DENND1A: variants seen among roughly 807,000 people sequenced by gnomAD.
DENND1A encodes the protein DENN domain containing 1A.
In DENND1A, 51 loss-of-function variants were observed where a neutral mutation model predicts 113.7. The ratio of observed to expected loss-of-function variants is 0.45; its 90% CI spans 0.36 to 0.57. The LOEUF (loss-of-function observed/expected upper bound fraction) is 0.57, where lower values mean the gene tolerates loss of function less well. DENND1A is among the 20% of genes least tolerant of loss of function. The probability of loss-of-function intolerance (pLI) is 0.00; values close to 1 mark genes in which losing one functional copy is unlikely to be tolerated. For missense variants in DENND1A, 1,258 were observed against 1,395.9 expected (o/e 0.90, Z 1.57); for synonymous variants, 565 against 570.8 (o/e 0.99, Z 0.14).
In DENND1A at chr9:123,530,997, T is replaced by C. The variant is rs557828175; in HGVS notation, c.993+26573A>G. Among the ~76,000 whole-genome samples the C allele has an allele frequency of 2.8e-3, 427 of 152,340 alleles. 3 individuals are homozygous for C. The highest frequency in any genetic ancestry group is 5.1e-3 in the Non-Finnish European group (349 of 68,022). On this transcript the variant is annotated intron_variant, in intron 13 of 23. Transcript: ENST00000394215. ...TAACTGAAGTCATGGAAAGTGAAAC[T>C]GCAGATAAGTGGAGACTACTGTATA...
intron 5 of DENND1A, among the ~76,000 whole-genome samples, chr9:123,713,779 ATAT>A (rs764803827): frequency 4.6e-5 from 7 of 152,220 alleles, no homozygotes; most frequent in Non-Finnish European, 8.8e-5. Flanking sequence ...GACAATAAGA[ATAT>A]TATTACTAAT....
intron 8 of DENND1A, among the ~76,000 whole-genome samples, chr9:123,665,669 T>C (rs1379646861): frequency 6.6e-6 from 1 of 152,240 alleles, no homozygotes; most frequent in African/African-American, 2.4e-5. Context: ...CATATTCCAG[T>C]ACTTTTCTTA....
At chr9:123,454,163 TC>T (rs1164249310) in intron 16 of DENND1A, among the ~76,000 whole-genome samples, 2 of 152,182 alleles carry the variant, frequency 1.3e-5, no homozygotes, top group African/African-American at 4.8e-5. Context: ...TGTACCCTGC[TC>T]CCTGCTGCAT....
intron 1 of DENND1A, among the ~76,000 whole-genome samples, chr9:123,921,898 C>T (rs550416338): frequency 8.6e-5 from 13 of 151,260 alleles, no homozygotes; most frequent in African/African-American, 3.2e-4. Context: ...TACTTAAAAT[C>T]TCTCAAAGCC....
intron 21 of DENND1A, among the ~76,000 whole-genome samples, chr9:123,391,895 A>G (rs2042869676): frequency 6.6e-6 from 1 of 152,082 alleles, no homozygotes; most frequent in South Asian, 2.1e-4. Flanking sequence ...GTTGCGGCAA[A>G]CTTGGCTGCC....
rs775450109 is a variant in DENND1A at position 123,769,580 on chromosome 9, A to G, written c.133-17T>C. The stretch of plus-strand genomic sequence containing the variant: ...TAGAACTTCCTGTGGAGAGAAAGAG[A>G]GATAATTTATACATCTAATGGGACC... On this transcript the variant is annotated splice_polypyrimidine_tract_variant and intron_variant, in intron 3 of 23. Coordinates refer to ENST00000394215, the MANE Select transcript of DENND1A (RefSeq NM_001352964.2). The G allele has an allele frequency of 6.2e-7, 1 of 1,604,536 alleles. No individual in the cohort carries two copies. The highest frequency in any genetic ancestry group is 8.5e-7 in the Non-Finnish European group (1 of 1,175,998).
intron 1 of DENND1A, among the ~76,000 whole-genome samples, chr9:123,925,500 T>G (rs1207464122): frequency 6.6e-6 from 1 of 152,222 alleles, no homozygotes; most frequent in Non-Finnish European, 1.5e-5. Context: ...TGTTTTGTTT[T>G]GGTGGGGAGG....
chr9:123,630,204 CTTTTTTT>C (rs11324537), intron 10 of DENND1A, among the ~76,000 whole-genome samples, 165 bp downstream of exon 10: 5 of 94,096 alleles, frequency 5.3e-5, no homozygotes, highest in Middle Eastern at 6.3e-3. Flanking sequence ...CCATGACTGG[CTTTTTTT>C]TTTTTTTTTT....
At chr9:123,723,640 C>G (rs1361458901) in intron 5 of DENND1A, among the ~76,000 whole-genome samples, 2 of 152,110 alleles carry the variant, frequency 1.3e-5, no homozygotes, top group East Asian at 3.9e-4. Context: ...TGGGAGTTTC[C>G]CTGCACCAGC....
At chr9:123,652,274 C>T in intron 8 of DENND1A, 151 bp from the exon 9 acceptor site, 1 of 629,198 alleles carries the variant, frequency 1.6e-6, no homozygotes, top group South Asian at 2.1e-5. Context: ...GCCAAATCCC[C>T]ACATGTGTAA....
intron 13 of DENND1A, among the ~76,000 whole-genome samples, chr9:123,495,281 G>A (rs1329516877): frequency 7.2e-5 from 11 of 152,062 alleles, no homozygotes; most frequent in East Asian, 1.9e-4. Context: ...GGAGCCAAAC[G>A]AATGTGTTGA....
At chr9:123,763,427 T>A (rs181488371) in intron 4 of DENND1A, among the ~76,000 whole-genome samples, 20 of 152,134 alleles carry the variant, frequency 1.3e-4, no homozygotes, top group African/African-American at 4.3e-4. Flanking sequence ...GACTAACAAG[T>A]TTGGGGGAAG....
Position 123,892,990 on chromosome 9 carries a change from TAAG to T in DENND1A, c.18-13972_18-13970del, listed in dbSNP as rs1297080127. 6.0e-5 allele frequency among the ~76,000 whole-genome samples: 9 copies of T among 151,014 alleles called. No homozygotes were observed. The East Asian group carries it at 1.6e-3, about 26-fold the overall frequency. On this transcript the variant is annotated intron_variant, in intron 1 of 23. Transcript: ENST00000394215. ...GAGTGAGATGCCGTCTCAAAAATAA[TAAG>T]AATAATAATAATAAAGAATAAGAAT...
chr9:123,392,505 A>G (rs2042908916), intron 21 of DENND1A, among the ~76,000 whole-genome samples: 1 of 152,064 alleles, frequency 6.6e-6, no homozygotes, highest in African/African-American at 2.4e-5. Flanking sequence ...ACGTGGCTCC[A>G]GTGGGCAGGT....
chr9:123,583,614 T>A (rs4836935), intron 11 of DENND1A, among the ~76,000 whole-genome samples: 1 of 151,878 alleles, frequency 6.6e-6, no homozygotes, highest in Non-Finnish European at 1.5e-5. Context: ...AAAAGCTCTG[T>A]CCCCAGGAAT....
chr9:123,853,957 A>G (rs977114855), intron 2 of DENND1A, among the ~76,000 whole-genome samples: 5 of 151,944 alleles, frequency 3.3e-5, no homozygotes, highest in African/African-American at 4.8e-5. Flanking sequence ...TTTTCATGGG[A>G]AAAAAAATAT....
At chr9:123,812,302 A>G (rs1181336912) in intron 2 of DENND1A, among the ~76,000 whole-genome samples, 1 of 152,122 alleles carries the variant, frequency 6.6e-6, no homozygotes, top group Non-Finnish European at 1.5e-5. Flanking sequence ...AGCAGATTGG[A>G]TCCATTCCTT....
At chr9:123,427,113 T>C (rs1465136569) in intron 19 of DENND1A, among the ~76,000 whole-genome samples, 1 of 152,226 alleles carries the variant, frequency 6.6e-6, no homozygotes, top group Admixed American at 6.5e-5. Flanking sequence ...ACCAAACTTG[T>C]TGGGGTTTAG....
intron 22 of DENND1A, among the ~76,000 whole-genome samples, chr9:123,386,531 G>A (rs2042573116): frequency 6.6e-6 from 1 of 152,066 alleles, no homozygotes; most frequent in Non-Finnish European, 1.5e-5. Flanking sequence ...ACAGGTGTGA[G>A]CCACCATGCC....
Sources: gnomAD v4.1 joint callset for allele counts (sites outside exome capture counted in the v4.1 genomes callset) on GRCh38, gnomAD v4.1.1 for gene constraint, MANE v1.5 for transcripts, NCBI Gene and HGNC (gene_info 2026-07-23, HGNC 2026-07-21) for gene names.